SV2C: variants seen among roughly 807,000 people sequenced by gnomAD.
The protein encoded by SV2C is solute carrier family 22 member B3.
In SV2C, 49 loss-of-function variants were observed where a neutral mutation model predicts 79.7. That is an observed-to-expected ratio of 0.61 (90% confidence interval 0.49 to 0.78). The LOEUF is 0.78. SV2C is among the 30% of genes least tolerant of loss of function. SV2C has a pLI of 0.00. For missense variants in SV2C, 833 were observed against 912.9 expected (o/e 0.91, Z 1.13); for synonymous variants, 334 against 333.2 (o/e 1.00, Z -0.03).
the SV2C span, among the ~76,000 whole-genome samples, chr5:75,936,835 T>C: frequency 5.9e-5 from 9 of 152,352 alleles, no homozygotes; most frequent in East Asian, 1.2e-3. Context: ...GAGGAACTGA[T>C]TGCCAGTTGA....
chr5:75,955,789 G>GA, the SV2C span, among the ~76,000 whole-genome samples: 1 of 150,224 alleles, frequency 6.7e-6, no homozygotes, highest in Non-Finnish European at 1.5e-5. Flanking sequence ...AAAAACACGT[G>GA]AAAAAATGCT....
Position 76,301,494 on chromosome 5 carries a change from C to T in SV2C, c.1949C>T (p.Ala650Val), listed in dbSNP as rs1747998443. Reference sequence around the variant, plus strand: ...CTGTACAATGGATTGACCATCTCAGCCTGGAACTCTCTTGACGTGGTCACT... The same window carrying T: ...CTGTACAATGGATTGACCATCTCAGTCTGGAACTCTCTTGACGTGGTCACT... Reference protein sequence around the residue: ...LCLYNGLTISAWNSLDVVTVE... With the variant: ...LCLYNGLTISVWNSLDVVTVE... Residue 650 changes from alanine to valine, a missense_variant, in exon 12 of 13, where the codon GCC becomes GTC. Physicochemically the swap from Ala to Val is moderately conservative, Grantham distance 64 (BLOSUM62 0). Transcript: ENST00000502798. 2 of 1,613,922 alleles carry T rather than the reference C, an allele frequency of 1.2e-6. No individual in the cohort carries two copies. The highest frequency in any genetic ancestry group is 2.2e-5 in the East Asian group (1 of 44,890).
At chr5:76,165,756 A>G (rs1275894389) in intron 2 of SV2C, among the ~76,000 whole-genome samples, 2 of 152,098 alleles carry the variant, frequency 1.3e-5, no homozygotes, top group Non-Finnish European at 2.9e-5. Context: ...ATTTGTTGTT[A>G]GGTTAAGACC....
At chr5:75,990,403 C>T in the SV2C span, among the ~76,000 whole-genome samples, 1 of 151,848 alleles carries the variant, frequency 6.6e-6, no homozygotes, top group East Asian at 1.9e-4. Flanking sequence ...TTTTAAATTA[C>T]TTTTCATTGA....
At chr5:75,886,076 C>T in the SV2C span, among the ~76,000 whole-genome samples, 1 of 152,092 alleles carries the variant, frequency 6.6e-6, no homozygotes, top group South Asian at 2.1e-4. Context: ...TCTTTGAATA[C>T]AAGCTTCTTC....
chr5:76,142,386 C>G (rs1277931062), intron 2 of SV2C, among the ~76,000 whole-genome samples: 2 of 152,150 alleles, frequency 1.3e-5, no homozygotes, highest in African/African-American at 4.8e-5. Flanking sequence ...TCACATCTCT[C>G]TGTCTTGATT....
chr5:76,208,406 T>A (rs1277677820), intron 3 of SV2C, among the ~76,000 whole-genome samples: 3 of 152,212 alleles, frequency 2.0e-5, no homozygotes, highest in African/African-American at 4.8e-5. Flanking sequence ...GGTCTTCCCA[T>A]GTCCACTGAT....
At chr5:76,123,927 A>G (rs1263201651) in intron 1 of SV2C, among the ~76,000 whole-genome samples, 1 of 152,186 alleles carries the variant, frequency 6.6e-6, no homozygotes, top group Non-Finnish European at 1.5e-5. Flanking sequence ...CAAATGTATG[A>G]TATGGTCTAA....
chr5:76,069,477 C>G, the SV2C span, among the ~76,000 whole-genome samples: 1 of 152,166 alleles, frequency 6.6e-6, no homozygotes, highest in Non-Finnish European at 1.5e-5. Flanking sequence ...TTGTTTTGTC[C>G]TGTACAGGGC....
intron 4 of SV2C, among the ~76,000 whole-genome samples, chr5:76,250,352 C>G (rs1267111690): frequency 2.6e-5 from 4 of 152,168 alleles, no homozygotes; most frequent in Non-Finnish European, 4.4e-5. Context: ...GACATTAGGG[C>G]TCTCAGCAAT....
the SV2C span, among the ~76,000 whole-genome samples, chr5:75,902,422 C>T: frequency 6.6e-6 from 1 of 152,204 alleles, no homozygotes; most frequent in Non-Finnish European, 1.5e-5. Context: ...AGCAATTTCT[C>T]CATCTATAGA....
At chr5:76,229,944 A>G (rs1364894803) in intron 4 of SV2C, among the ~76,000 whole-genome samples, 1 of 152,168 alleles carries the variant, frequency 6.6e-6, no homozygotes. Flanking sequence ...GCATACCCCC[A>G]TCTCTGGTAT....
At chr5:75,884,767 G>C in the SV2C span, among the ~76,000 whole-genome samples, 1 of 151,624 alleles carries the variant, frequency 6.6e-6, no homozygotes, top group Non-Finnish European at 1.5e-5. Flanking sequence ...TACCCCATAA[G>C]TATGTACAAC....
chr5:75,992,929 A>C, the SV2C span, among the ~76,000 whole-genome samples: 1 of 151,956 alleles, frequency 6.6e-6, no homozygotes, highest in Admixed American at 6.6e-5. Flanking sequence ...CAAAAACAAA[A>C]CCTTACATTA....
At chr5:76,143,777 T>A (rs1489150184) in intron 2 of SV2C, among the ~76,000 whole-genome samples, 2 of 152,218 alleles carry the variant, frequency 1.3e-5, no homozygotes, top group Non-Finnish European at 2.9e-5. Flanking sequence ...GATCTTCTAC[T>A]GATCTTGACA....
At chr5:76,165,194 T>A (rs965608714) in intron 2 of SV2C, among the ~76,000 whole-genome samples, 3 of 152,202 alleles carry the variant, frequency 2.0e-5, no homozygotes, top group Non-Finnish European at 2.9e-5. Flanking sequence ...GTAGCAATAG[T>A]ACAACATTCC....
intron 12 of SV2C, among the ~76,000 whole-genome samples, chr5:76,321,608 G>T (rs143752983): frequency 6.0e-4 from 91 of 152,042 alleles, no homozygotes; most frequent in African/African-American, 2.0e-3. Context: ...GGGCATGGTG[G>T]TGCACGCCTG....
intron 2 of SV2C, among the ~76,000 whole-genome samples, chr5:76,175,509 CAG>C (rs1373963906): frequency 6.6e-6 from 1 of 152,042 alleles, no homozygotes; most frequent in Admixed American, 6.5e-5. Context: ...TGTTAAAGTG[CAG>C]AGAGAAAATT....
At chr5:75,871,358 G>A in the SV2C span, among the ~76,000 whole-genome samples, 1 of 152,066 alleles carries the variant, frequency 6.6e-6, no homozygotes, top group African/African-American at 2.4e-5. Flanking sequence ...GGAAATATTT[G>A]TTACTATATT....
Sources: gnomAD v4.1 joint callset for allele counts (sites outside exome capture counted in the v4.1 genomes callset) on GRCh38, gnomAD v4.1.1 for gene constraint, MANE v1.5 for transcripts, NCBI Gene and HGNC (gene_info 2026-07-23, HGNC 2026-07-21) for gene names.